Variants in CERS6 observed in about 807,000 individuals in gnomAD.
CERS6 encodes the protein LAG1 homolog, ceramide synthase 6.
In CERS6, 26 loss-of-function variants were observed where a neutral mutation model predicts 56.8. The observed-to-expected ratio is 0.46, with a 90% CI of 0.34 to 0.63. The LOEUF is 0.63. CERS6 is among the 30% of genes least tolerant of loss of function. The pLI is 0.01. For missense variants in CERS6, 415 were observed against 467.5 expected (o/e 0.89, Z 1.04); for synonymous variants, 164 against 173.3 (o/e 0.95, Z 0.42).
At chr2:168,498,959 C>T (rs1161533835) in intron 1 of CERS6, among the ~76,000 whole-genome samples, 1 of 152,122 alleles carries the variant, frequency 6.6e-6, no homozygotes, top group Non-Finnish European at 1.5e-5. Flanking sequence ...TTCAAGGTTA[C>T]TCTGGGGTCC....
chr2:168,745,315 C>T (rs1456722172), intron 8 of CERS6, among the ~76,000 whole-genome samples: 2 of 151,828 alleles, frequency 1.3e-5, no homozygotes, highest in Non-Finnish European at 2.9e-5. Context: ...AGTCTCGGCT[C>T]ACTGCAAGGT....
At chr2:168,632,567 G>C (rs1488633256) in intron 4 of CERS6, among the ~76,000 whole-genome samples, 1 of 152,082 alleles carries the variant, frequency 6.6e-6, no homozygotes, top group African/African-American at 2.4e-5. Context: ...TACTCTGTGG[G>C]GTTTCTGTGT....
chr2:168,529,172 C>G (rs886924102), intron 1 of CERS6, among the ~76,000 whole-genome samples: 1 of 152,156 alleles, frequency 6.6e-6, no homozygotes, highest in Admixed American at 6.5e-5. Context: ...CTTAATTATT[C>G]TCCATTTCTG....
chr2:168,578,764 A>G (rs1224750936), intron 3 of CERS6, among the ~76,000 whole-genome samples: 1 of 152,190 alleles, frequency 6.6e-6, no homozygotes, highest in Non-Finnish European at 1.5e-5. Flanking sequence ...GAAGACAACC[A>G]AATAAGCAAA....
chr2:168,485,437 T>C (rs1694259017), intron 1 of CERS6, among the ~76,000 whole-genome samples: 1 of 152,182 alleles, frequency 6.6e-6, no homozygotes, highest in African/African-American at 2.4e-5. Flanking sequence ...GGTATATCCA[T>C]CATTACACTA....
intron 6 of CERS6, among the ~76,000 whole-genome samples, chr2:168,703,138 A>G (rs369788239): frequency 9.9e-5 from 15 of 152,218 alleles, no homozygotes; most frequent in African/African-American, 2.9e-4. Context: ...AACAGTGGGT[A>G]TGTTAATACT....
Position 168,456,469 on chromosome 2 carries a change from G to A in CERS6, c.21G>A (p.Trp7Ter). 1 of 1,613,872 alleles carries A rather than the reference G, an allele frequency of 6.2e-7. No homozygotes were observed. The highest frequency in any genetic ancestry group is 8.5e-7 in the Non-Finnish European group (1 of 1,179,812). Residue 7 changes from tryptophan (W) to a stop codon, truncating the protein, a stop_gained, in exon 1 of 10, where the codon TGG becomes TGA. Coordinates refer to ENST00000305747, the MANE Select transcript of CERS6 (RefSeq NM_203463.3). LOFTEE classifies it high-confidence loss of function. This position sits in a 1 kb window ranked among gnomAD's most constrained non-coding sequence, Gnocchi z 4.1. Reference sequence around the variant, plus strand: ...GCAAGATGGCAGGGATCTTAGCCTGGTTCTGGAACGAGAGGTTTTGGCTCC... The same window carrying A: ...GCAAGATGGCAGGGATCTTAGCCTGATTCTGGAACGAGAGGTTTTGGCTCC... MAGILA[W>*]FWNERFWLPH...
At chr2:168,589,337 G>A (rs1683619649) in intron 3 of CERS6, among the ~76,000 whole-genome samples, 1 of 152,112 alleles carries the variant, frequency 6.6e-6, no homozygotes, top group South Asian at 2.1e-4. Flanking sequence ...GAGGTAGATA[G>A]GTCGTGCTAT....
At chr2:168,527,448 A>T (rs1695090344) in intron 1 of CERS6, among the ~76,000 whole-genome samples, 1 of 152,204 alleles carries the variant, frequency 6.6e-6, no homozygotes, top group South Asian at 2.1e-4. Context: ...ATGCAGATTT[A>T]TAATGCCATG....
At chr2:168,602,868 C>T (rs1166020203) in intron 3 of CERS6, among the ~76,000 whole-genome samples, 1 of 152,198 alleles carries the variant, frequency 6.6e-6, no homozygotes, top group African/African-American at 2.4e-5. Flanking sequence ...ATACAGGTTC[C>T]TGTAGTGCCA....
intron 3 of CERS6, among the ~76,000 whole-genome samples, chr2:168,620,760 C>CTTT (rs112105394): frequency 3.8e-5 from 5 of 130,664 alleles, no homozygotes; most frequent in African/African-American, 1.4e-4. Flanking sequence ...GGAAATTCAC[C>CTTT]TTTTTTTTTT....
intron 2 of CERS6, among the ~76,000 whole-genome samples, chr2:168,554,736 A>C (rs765761977): frequency 1.3e-5 from 2 of 152,228 alleles, no homozygotes; most frequent in Non-Finnish European, 2.9e-5. Context: ...TGTGAGGAGC[A>C]CCTTAAGACA....
chr2:168,496,093 T>C (rs1024415830), intron 1 of CERS6, among the ~76,000 whole-genome samples: 6 of 152,224 alleles, frequency 3.9e-5, no homozygotes, highest in African/African-American at 1.2e-4. Flanking sequence ...ACTCTTTATG[T>C]ATCTTGAGGA....
intron 2 of CERS6, among the ~76,000 whole-genome samples, chr2:168,553,955 C>T (rs10193175): frequency 0.03 from 4,595 of 152,086 alleles, 94 homozygotes; most frequent in Non-Finnish European, 0.046. Context: ...TACAAGTATA[C>T]GCATATTTAA....
intron 3 of CERS6, among the ~76,000 whole-genome samples, chr2:168,605,487 G>A (rs1344301152): frequency 6.6e-6 from 1 of 152,222 alleles, no homozygotes; most frequent in Non-Finnish European, 1.5e-5. Context: ...ATATTCAGGG[G>A]AGGGATTCAA....
intron 8 of CERS6, among the ~76,000 whole-genome samples, chr2:168,753,200 T>A (rs888341734): frequency 6.6e-6 from 1 of 152,220 alleles, no homozygotes; most frequent in African/African-American, 2.4e-5. Context: ...ACCAGGTGTT[T>A]TGACTTCTAG....
At chr2:168,656,806 T>C (rs1440260723) in intron 4 of CERS6, among the ~76,000 whole-genome samples, 1 of 152,148 alleles carries the variant, frequency 6.6e-6, no homozygotes, top group Non-Finnish European at 1.5e-5. Context: ...CCCACCCACA[T>C]CCTGCTGATT....
intron 3 of CERS6, among the ~76,000 whole-genome samples, chr2:168,598,470 G>T (rs1476255744): frequency 6.6e-6 from 1 of 150,750 alleles, no homozygotes; most frequent in African/African-American, 2.4e-5. Context: ...ATTTTTGATG[G>T]TAAAAAAAAA....
At chr2:168,634,230 A>G (rs752367815) in intron 4 of CERS6, among the ~76,000 whole-genome samples, 40 of 152,250 alleles carry the variant, frequency 2.6e-4, no homozygotes, top group Non-Finnish European at 4.0e-4. Context: ...TAATTGCTGT[A>G]TATAAGAGAG....
Sources: allele counts gnomAD v4.1 joint callset (sites outside exome capture counted in the v4.1 genomes callset), GRCh38; gene constraint gnomAD v4.1.1; non-coding constraint Gnocchi (gnomAD v3.1); transcripts MANE v1.5; gene names NCBI Gene and HGNC (gene_info 2026-07-23, HGNC 2026-07-21).